The following BICDL2 variants were observed in gnomAD, a reference collection of about 807,000 sequenced individuals.
BICDL2 encodes the protein BICD family like cargo adaptor 2, also known as BICD family-like cargo adapter 2.
Under a neutral mutation model 56.6 loss-of-function variants are expected in BICDL2, and 62 were observed. That is an observed-to-expected ratio of 1.10 (90% confidence interval 0.89 to 1.35). The LOEUF (loss-of-function observed/expected upper bound fraction) is 1.35. BICDL2 is among the 40% of genes most tolerant of loss of function. The probability of loss-of-function intolerance (pLI) is 0.00; values close to 1 mark genes in which losing one functional copy is unlikely to be tolerated. For synonymous variants in BICDL2, 358 were observed against 319.8 expected (o/e 1.12, Z -1.27); for missense variants, 808 against 684.5 (o/e 1.18, Z -2.01).
At position 3,028,094 on chromosome 16, in the gene BICDL2, T is replaced by C. The variant is rs961882379; in HGVS notation, c.*12A>G. The C allele has an allele frequency of 1.4e-6, 2 of 1,413,456 alleles. No individual in the cohort carries two copies. The highest frequency in any genetic ancestry group is 1.8e-6 in the Non-Finnish European group (2 of 1,087,356). 87.6% of individuals were successfully genotyped at this position (1,413,456 alleles called of 1,614,324 possible). A position where few individuals can be genotyped will look rare whatever the true frequency, so the allele number is the denominator to read the frequency against. On this transcript the variant is annotated 3_prime_UTR_variant, in exon 10 of 10. Transcript: ENST00000572449. ...CCCTAAGTGGGCAAGGGCAGCCCTC[T>C]GGGCCCAGCCGTCAGGTCCTTCGGA...
intron 5 of BICDL2, 107 bp from the exon 6 acceptor site, chr16:3,029,846 C>A: frequency 1.0e-6 from 1 of 975,702 alleles, no homozygotes; most frequent in South Asian, 1.7e-5. Context: ...CCCCGCACCC[C>A]AGCGGCCCAG....
rs1244656466 is a variant in BICDL2 at position 3,031,145 on chromosome 16, G to A, written c.288C>T (p.Leu96=). The A allele has an allele frequency of 2.0e-6, 3 of 1,534,892 alleles. No individual in the cohort carries two copies. The Admixed American group carries it at 5.9e-5, about 30-fold the overall frequency. ...GCCGGAGCTCATGGTTCTCCTGCTG[G>A]AGCCGCTGTGGGGGCCAGGGCAGAG... ...SAQHLEREER[L]QQENHELRRG... is the part of the protein sequence containing the mutation. The change falls in exon 3 of 10, where the codon CTC becomes CTT. Residue 96 remains leucine (L), a synonymous_variant. Coordinates refer to ENST00000572449, the MANE Select transcript of BICDL2 (RefSeq NM_001369667.1).
At position 3,027,870 on chromosome 16, in the gene BICDL2, A is replaced by G. The variant is rs2072843161; in HGVS notation, c.*236T>C. 3.7e-6 allele frequency: 3 copies of G among 805,068 alleles called. No homozygotes were observed. The highest frequency in any genetic ancestry group is 3.5e-5 in the Admixed American group (1 of 28,660). 49.9% of individuals were successfully genotyped at this position (805,068 alleles called of 1,614,324 possible). A position where few individuals can be genotyped will look rare whatever the true frequency, so the allele number is the denominator to read the frequency against. ...CCTGCCCTAGAAAAGATAGACGTAT[A>G]TTAATTCGGAAAATAGCTCTGTTCA... is the stretch of plus-strand genomic sequence containing the variant. On this transcript the variant is annotated 3_prime_UTR_variant, in exon 10 of 10. Transcript: ENST00000572449.
chr16:3,027,945 G>A lies in BICDL2; in HGVS notation c.*161C>T. On this transcript the variant is annotated 3_prime_UTR_variant, in exon 10 of 10. Coordinates refer to ENST00000572449, the MANE Select transcript of BICDL2 (RefSeq NM_001369667.1). Reference sequence around the variant, plus strand: ...CTCCTGCCCCACAAAGCTGGCCCCTGCTCCGGATGAGCCCCTGCTCCCGAT... The same window carrying A: ...CTCCTGCCCCACAAAGCTGGCCCCTACTCCGGATGAGCCCCTGCTCCCGAT... The A allele has an allele frequency of 8.8e-7, 1 of 1,133,732 alleles. No individual in the cohort carries two copies. The highest frequency in any genetic ancestry group is 1.2e-6 in the Non-Finnish European group (1 of 846,430). 70.2% of individuals were successfully genotyped at this position (1,133,732 alleles called of 1,614,324 possible).
intron 1 of BICDL2, 110 bp from the exon 2 acceptor site, chr16:3,035,636 C>T (rs1955724443): frequency 7.4e-6 from 7 of 947,132 alleles, no homozygotes; most frequent in African/African-American, 6.6e-5. Flanking sequence ...GCAGCCAGGG[C>T]TTCCTGGGCC....
At chr16:3,032,457 G>C (rs1340819447) in intron 2 of BICDL2, 1 of 152,286 alleles carries the variant, frequency 6.6e-6, no homozygotes, top group Non-Finnish European at 1.5e-5. Context: ...AGCTCCACTT[G>C]TTCTGGGGTC....
rs1312008483 is a variant in BICDL2, at chr16:3,028,773, CCTT to C, written c.1162_1164del (p.Lys388del). On this transcript the variant is annotated inframe_deletion, in exon 8 of 10. Coordinates refer to ENST00000572449, the MANE Select transcript of BICDL2 (RefSeq NM_001369667.1). ...CCAGGGTCTTCCTGCGCCCGCAGCT[CCTT>C]CTGCCTCTGCAGCTCTTCCCGCAGG... 10 of 1,558,862 alleles carry C rather than the reference CCTT, an allele frequency of 6.4e-6. No individual in the cohort carries two copies. The highest frequency in any genetic ancestry group is 8.7e-6 in the Non-Finnish European group (10 of 1,151,742).
At chr16:3,035,033 C>G (rs1003659327) in intron 2 of BICDL2, 182 bp downstream of exon 2, 1 of 624,652 alleles carries the variant, frequency 1.6e-6, no homozygotes. Flanking sequence ...TTCTTTGCCA[C>G]TGGGCAACAC....
intron 2 of BICDL2, among the ~76,000 whole-genome samples, chr16:3,034,698 C>T (rs1259893047): frequency 7.2e-5 from 10 of 138,154 alleles, no homozygotes; most frequent in Non-Finnish European, 1.5e-5. Context: ...CCTTCCCCTT[C>T]CTTCCTTCCT....
intron 2 of BICDL2, 80 bp downstream of exon 2, chr16:3,035,135 A>T (rs2151145459): frequency 1.6e-6 from 2 of 1,252,572 alleles, no homozygotes; most frequent in Non-Finnish European, 2.2e-6. Context: ...CCCTTGCCTG[A>T]CTCCCTTCCC....
chr16:3,035,699 G>T (rs1955725287), intron 1 of BICDL2, 173 bp from the exon 2 acceptor site: 1 of 602,602 alleles, frequency 1.7e-6, no homozygotes, highest in Non-Finnish European at 2.9e-6. Flanking sequence ...AATGTCCCTG[G>T]GGTAAACTGA....
At position 3,029,422 on chromosome 16, in the gene BICDL2, C is replaced by T. The variant is rs372183892; in HGVS notation, c.965G>A (p.Arg322Gln). 4 of 1,602,900 alleles carry T rather than the reference C, an allele frequency of 2.5e-6. No homozygotes were observed. In the African/African-American group the frequency reaches 4.0e-5, roughly 16 times the overall value. The change falls in exon 7 of 10, where the codon CGG becomes CAG. Residue 322 changes from arginine to glutamine, a missense_variant. Physicochemically the swap from Arg to Gln is conservative, Grantham distance 43. Coordinates refer to ENST00000572449, the MANE Select transcript of BICDL2 (RefSeq NM_001369667.1). ...ADAPGDTPTT[R>Q]SPKTRKASSP... ...GGACGCCTTTCGGGTCTTTGGGGAC[C>T]GGGTGGTCTGTGGGCCAAAGAAATG...
chr16:3,028,744 C>A lies in BICDL2; in HGVS notation c.1194G>T (p.Glu398Asp). Residue 398 changes from glutamate to aspartate, a missense_variant, in exon 8 of 10, where the codon GAG becomes GAT. Transcript: ENST00000572449. ...GGTCTGAGAGGGCACTGTGCAGGGC[C>A]TCCCCAGGGTCTTCCTGCGCCCGCA... ...KELRAQEDPG[E>D]ALHSALSDRD... is the part of the protein sequence containing the mutation. 1 of 1,564,610 alleles carries A rather than the reference C, an allele frequency of 6.4e-7. No individual in the cohort carries two copies. Among genetic ancestry groups the A allele is most frequent in the South Asian group, 1.2e-5 (1 of 84,944 alleles).
intron 2 of BICDL2, 151 bp downstream of exon 2, chr16:3,035,064 G>T: frequency 1.3e-6 from 1 of 758,288 alleles, no homozygotes; most frequent in Non-Finnish European, 2.1e-6. Context: ...ACTGGGCCCA[G>T]CTCTGACCTG....
In BICDL2 at chr16:3,028,754, T is replaced by G. The variant is rs1454490410; in HGVS notation, c.1184A>C (p.Asp395Ala). Residue 395 changes from aspartate to alanine, a missense_variant, in exon 8 of 10, where the codon GAC (aspartate) becomes GCC (alanine). Coordinates refer to ENST00000572449, the MANE Select transcript of BICDL2 (RefSeq NM_001369667.1). ...QRQKELRAQE[D>A]PGEALHSALS... ...GGCACTGTGCAGGGCCTCCCCAGGG[T>G]CTTCCTGCGCCCGCAGCTCCTTCTG... The G allele has an allele frequency of 6.4e-7, 1 of 1,561,888 alleles. No homozygotes were observed. Among genetic ancestry groups the G allele is most frequent in the Admixed American group, 1.9e-5 (1 of 52,334 alleles).
intron 2 of BICDL2, among the ~76,000 whole-genome samples, chr16:3,034,689 C>A (rs1955704025): frequency 7.2e-6 from 1 of 138,520 alleles, no homozygotes; most frequent in Non-Finnish European, 1.6e-5. Context: ...TCCTTCCTTC[C>A]TTCCCCTTCC....
intron 5 of BICDL2, 126 bp from the exon 6 acceptor site, chr16:3,029,865 C>T (rs573099953): frequency 2.5e-6 from 2 of 803,098 alleles, no homozygotes; most frequent in South Asian, 1.9e-5. Context: ...AGGCTGTTCC[C>T]GTTCCTGGAT....
At chr16:3,031,934 T>C (rs1955662707) in intron 2 of BICDL2, 1 of 158,266 alleles carries the variant, frequency 6.3e-6, no homozygotes, top group African/African-American at 2.4e-5. Context: ...TTATTTTTTA[T>C]TTATTTATTT....
Position 3,029,526 on chromosome 16 carries a change from T to TGGGG in BICDL2, c.957+15_957+18dup. 2.6e-6 allele frequency: 4 copies of TGGGG among 1,558,290 alleles called. No homozygotes were observed. Among genetic ancestry groups the TGGGG allele is most frequent in the Non-Finnish European group, 8.6e-7 (1 of 1,158,426 alleles). On this transcript the variant is annotated intron_variant, in intron 6 of 9. Coordinates refer to ENST00000572449, the MANE Select transcript of BICDL2 (RefSeq NM_001369667.1). ...CTCTCGATGGCACAGGTAAGGGGGC[T>TGGGG]GGGGCCCCACGAGCTCACCGGGGTG...
Sources: allele counts gnomAD v4.1 joint callset (sites outside exome capture counted in the v4.1 genomes callset), GRCh38; gene constraint gnomAD v4.1.1; transcripts MANE v1.5; gene names NCBI Gene and HGNC (gene_info 2026-07-23, HGNC 2026-07-21).